Variants in KAZN observed in about 807,000 individuals in gnomAD.
KAZN encodes the protein kazrin.
KAZN carries 40 observed loss-of-function variants against 87.4 expected under a neutral mutation model. The observed-to-expected ratio is 0.46, with a 90% CI of 0.36 to 0.60. KAZN has a LOEUF of 0.60. KAZN is among the 20% of genes least tolerant of loss of function. KAZN has a pLI of 0.00. For missense variants in KAZN, 898 were observed against 1,073.9 expected (o/e 0.84, Z 2.29); for synonymous variants, 466 against 458.3 (o/e 1.02, Z -0.22).
rs71631709 is a variant in KAZN at position 15,088,038 on chromosome 1, T to G, written c.1223-6142T>G. Among the ~76,000 whole-genome samples, 1,511 of 152,352 alleles carry G rather than the reference T, an allele frequency of 9.9e-3. 5 individuals are homozygous for G. The highest frequency in any genetic ancestry group is 0.017 in the Non-Finnish European group (1,137 of 68,032). On this transcript the variant is annotated intron_variant, in intron 8 of 14. Transcript: ENST00000376030. ...CAAACCCAGGGCTCCCATATTCCAG[T>G]GCCAGCCTCTGAACGTCTAGGCCAG...
chr1:15,034,314 A>G (rs562433928), intron 2 of KAZN, among the ~76,000 whole-genome samples: 24 of 152,300 alleles, frequency 1.6e-4, no homozygotes, highest in Non-Finnish European at 2.9e-4. Flanking sequence ...GGAAGAAATG[A>G]GGCAGGAGGG....
chr1:14,151,472 T>C (rs1378680481), intron 1 of KAZN, among the ~76,000 whole-genome samples: 1 of 152,236 alleles, frequency 6.6e-6, no homozygotes, highest in East Asian at 1.9e-4. Flanking sequence ...AGGAATTGGC[T>C]ATATTTCCCA....
At chr1:14,223,354 T>A (rs1273563046) in intron 2 of KAZN, among the ~76,000 whole-genome samples, 2 of 152,226 alleles carry the variant, frequency 1.3e-5, no homozygotes, top group African/African-American at 2.4e-5. Context: ...TGGCACAGGC[T>A]GTGATCCCAG....
intron 1 of KAZN, among the ~76,000 whole-genome samples, chr1:14,686,519 T>C (rs533402346): frequency 6.6e-6 from 1 of 152,230 alleles, no homozygotes; most frequent in Non-Finnish European, 1.5e-5. Context: ...TTATTCTACT[T>C]TTCTTAACTT....
chr1:14,075,855 G>C (rs1643436158), intron 1 of KAZN, among the ~76,000 whole-genome samples: 4 of 152,188 alleles, frequency 2.6e-5, no homozygotes, highest in Admixed American at 2.0e-4. Context: ...TGAGTTGAAT[G>C]GTGTTCCCGT....
intron 1 of KAZN, among the ~76,000 whole-genome samples, chr1:14,090,135 C>A (rs1643942636): frequency 6.6e-6 from 1 of 151,692 alleles, no homozygotes; most frequent in Non-Finnish European, 1.5e-5. Flanking sequence ...GTTTATTGAG[C>A]TACTTGGATC....
chr1:14,115,155 G>T (rs748190914), intron 1 of KAZN, among the ~76,000 whole-genome samples: 7 of 152,238 alleles, frequency 4.6e-5, no homozygotes, highest in Non-Finnish European at 8.8e-5. Context: ...ACTTCCTGGT[G>T]AGGGCTCTCT....
chr1:14,558,420 C>T (rs757428279), intron 2 of KAZN, among the ~76,000 whole-genome samples: 22 of 152,118 alleles, frequency 1.4e-4, no homozygotes, highest in Non-Finnish European at 2.2e-4. Context: ...CATTTACCTC[C>T]AAGATGCTTA....
At chr1:13,967,338 C>T (rs76000967) in intron 1 of KAZN, among the ~76,000 whole-genome samples, 2,794 of 152,258 alleles carry the variant, frequency 0.018, 88 homozygotes, top group African/African-American at 0.063. Context: ...TCTTCCAGAG[C>T]TGGAAACTGA....
intron 2 of KAZN, among the ~76,000 whole-genome samples, chr1:14,215,879 T>C (rs1646947414): frequency 6.6e-6 from 1 of 152,204 alleles, no homozygotes; most frequent in Non-Finnish European, 1.5e-5. Flanking sequence ...TTCTCATTAA[T>C]GTTCATCCAA....
At chr1:14,602,135 T>C (rs1194070588) in intron 1 of KAZN, among the ~76,000 whole-genome samples, 1 of 152,192 alleles carries the variant, frequency 6.6e-6, no homozygotes, top group Non-Finnish European at 1.5e-5. Context: ...ATTTGGGTTT[T>C]CCTAGCGGGT....
chr1:14,507,969 A>C (rs965541463), intron 2 of KAZN, among the ~76,000 whole-genome samples: 1 of 95,224 alleles, frequency 1.1e-5, no homozygotes, highest in Non-Finnish European at 2.2e-5. Context: ...TCGGTCTCCA[A>C]AAAATAAATA....
chr1:14,260,761 C>T (rs1009880293), intron 2 of KAZN, among the ~76,000 whole-genome samples: 7 of 152,170 alleles, frequency 4.6e-5, no homozygotes, highest in African/African-American at 1.7e-4. Flanking sequence ...TGTATATAGT[C>T]GCTAATTTAA....
intron 1 of KAZN, among the ~76,000 whole-genome samples, chr1:14,653,706 A>C (rs562632105): frequency 4.3e-4 from 65 of 152,338 alleles, no homozygotes; most frequent in Non-Finnish European, 5.3e-4. Flanking sequence ...TAATACCAAC[A>C]TGGTGCCTGG....
At chr1:14,800,641 C>G (rs1183539734) in intron 1 of KAZN, among the ~76,000 whole-genome samples, 3 of 152,108 alleles carry the variant, frequency 2.0e-5, no homozygotes, top group Admixed American at 6.6e-5. Context: ...GAGATGGAGG[C>G]TGCAGCGAGC....
chr1:14,704,267 C>G (rs913012608), intron 1 of KAZN, among the ~76,000 whole-genome samples: 15 of 152,204 alleles, frequency 9.9e-5, no homozygotes, highest in African/African-American at 3.6e-4. Context: ...CCATAAGGAT[C>G]CTGTTATGCA....
rs1441208667 is a variant in KAZN, at chr1:14,949,831, G to A, written c.227-10853G>A. Among the ~76,000 whole-genome samples the A allele has an allele frequency of 2.0e-5, 3 of 152,236 alleles. No individual in the cohort carries two copies. Among genetic ancestry groups the A allele is most frequent in the East Asian group, 3.9e-4 (2 of 5,166 alleles). On this transcript the variant is annotated intron_variant, in intron 1 of 14. Coordinates refer to ENST00000376030, the MANE Select transcript of KAZN (RefSeq NM_201628.3). This position sits in a 1 kb window ranked among gnomAD's most constrained non-coding sequence, Gnocchi z 4.3. ...GGGTGAAGGCATGCAGGAGAGTACA[G>A]GTTTTCTGGGGTGTGGAGCTGGGTG... is the stretch of plus-strand genomic sequence containing the variant.
intron 10 of KAZN, among the ~76,000 whole-genome samples, chr1:15,097,348 C>A (rs1640848181): frequency 6.6e-6 from 1 of 152,044 alleles, no homozygotes; most frequent in South Asian, 2.1e-4. Flanking sequence ...CATTTTCAGC[C>A]ATGACATCTT....
chr1:13,956,903 G>T (rs930576019), intron 1 of KAZN, among the ~76,000 whole-genome samples: 3 of 152,184 alleles, frequency 2.0e-5, no homozygotes, highest in Non-Finnish European at 4.4e-5. Flanking sequence ...TGGTTACTAA[G>T]TGAAGCTATG....
Sources: gnomAD v4.1 joint callset for allele counts (sites outside exome capture counted in the v4.1 genomes callset) on GRCh38, gnomAD v4.1.1 for gene constraint, Gnocchi (gnomAD v3.1) non-coding constraint, MANE v1.5 for transcripts, NCBI Gene and HGNC (gene_info 2026-07-23, HGNC 2026-07-21) for gene names.